Variants in VCP observed in about 807,000 individuals in gnomAD.
VCP encodes transitional endoplasmic reticulum ATPase.
VCP carries 6 observed loss-of-function variants against 85.7 expected under a neutral mutation model. The observed-to-expected ratio is 0.07, with a 90% confidence interval of 0.04 to 0.14. The LOEUF (loss-of-function observed/expected upper bound fraction) is 0.14. Ranked by LOEUF, VCP falls within the 10% of genes least tolerant of loss-of-function variation. The pLI is 1.00. For missense variants in VCP, 353 were observed against 1,043.4 expected, an observed-to-expected ratio of 0.34 and a Z score of 9.12; for synonymous variants, 384 against 367.1, an observed-to-expected ratio of 1.05 and a Z score of -0.53.
rs1479994868 is a variant in VCP, at chr9:35,061,258, CCCTGACT to C, written c.1195-86_1195-80del. On this transcript the variant is annotated intron_variant, in intron 10 of 16. Coordinates refer to ENST00000358901, the MANE Select transcript of VCP (RefSeq NM_007126.5). The stretch of plus-strand genomic sequence containing the variant: ...AGGCTCAGAGACAATAGAATCCTTC[CCCTGACT>C]GCTATCCCTGGGTCCTCTCATTTCC... 25 of 1,583,376 alleles carry C rather than the reference CCCTGACT, an allele frequency of 1.6e-5. No homozygotes were observed. The African/African-American group carries it at 3.2e-4, about 20-fold the overall frequency.
Position 35,072,456 on chromosome 9 carries a change from G to T in VCP, c.-103C>A. The T allele has an allele frequency of 7.4e-7, 1 of 1,346,786 alleles. No homozygotes were observed. The highest frequency in any genetic ancestry group is 9.6e-7 in the Non-Finnish European group (1 of 1,044,318). The allele number at this position is 1,346,786 out of a possible 1,614,324, so 83.4% of individuals were successfully genotyped here. On this transcript the variant is annotated 5_prime_UTR_variant, in exon 1 of 17. Coordinates refer to ENST00000358901, the MANE Select transcript of VCP (RefSeq NM_007126.5). ...CCGGGGCTCGGCTCTTCCAGGCGGT[G>T]GGCGAGCAGCGGCGACAAACCCGCA...
intron 1 of VCP, 152 bp downstream of exon 1, chr9:35,072,185 C>G (rs1312401835): frequency 4.2e-6 from 6 of 1,425,922 alleles, no homozygotes; most frequent in Non-Finnish European, 5.5e-6. Flanking sequence ...CCTGCCGGGT[C>G]CACGGCCCCT....
intron 16 of VCP, 25 bp from the exon 17 acceptor site, chr9:35,057,247 A>T (rs1828627272): frequency 6.2e-7 from 1 of 1,614,022 alleles, no homozygotes; most frequent in African/African-American, 1.3e-5. Flanking sequence ...AAAGCCAAAA[A>T]AGAGGGTTAG....
chr9:35,066,899 A>G, intron 3 of VCP, 82 bp from the exon 4 acceptor site: 1 of 1,605,572 alleles, frequency 6.2e-7, no homozygotes, highest in East Asian at 2.2e-5. Flanking sequence ...TGGCACAGAT[A>G]GCTGATAGTA....
chr9:35,069,001 T>C (rs1164329763), intron 1 of VCP, among the ~76,000 whole-genome samples: 1 of 152,154 alleles, frequency 6.6e-6, no homozygotes. Flanking sequence ...ACAACCTCCC[T>C]TGAGGCTCAG....
rs754802166 is a variant in VCP at position 35,067,963 on chromosome 9, C to T, written c.230G>A (p.Cys77Tyr). The T allele has an allele frequency of 4.3e-6, 7 of 1,614,122 alleles. No homozygotes were observed. The Admixed American group carries it at 8.3e-5, about 19-fold the overall frequency. ...AVCIVLSDDTCSDEKIRMNRV... is the reference protein window; with the variant it reads ...AVCIVLSDDTYSDEKIRMNRV... ...ATTCATCCGAATCTTCTCATCAGAACAAGTATCATCAGAAAGGACGATGCA... is the reference window on the plus strand; with the variant it reads ...ATTCATCCGAATCTTCTCATCAGAATAAGTATCATCAGAAAGGACGATGCA... The change falls in exon 3 of 17, where the codon TGT (cysteine) becomes TAT (tyrosine). Residue 77 changes from cysteine (C) to tyrosine (Y), a missense_variant. Coordinates refer to ENST00000358901, the MANE Select transcript of VCP (RefSeq NM_007126.5).
intron 4 of VCP, among the ~76,000 whole-genome samples, chr9:35,066,428 T>C (rs752050289): frequency 5.5e-4 from 83 of 151,452 alleles, no homozygotes; most frequent in Non-Finnish European, 9.7e-4. Flanking sequence ...GGTTTCGCCA[T>C]GTTGGCCAGG....
chr9:35,065,895 C>A (rs1828819338), intron 4 of VCP, among the ~76,000 whole-genome samples: 1 of 152,106 alleles, frequency 6.6e-6, no homozygotes, highest in African/African-American at 2.4e-5. Context: ...AGCGGCCGGG[C>A]ACAGTGGCTC....
chr9:35,072,175 C>T (rs1217189968), intron 1 of VCP, 162 bp downstream of exon 1: 3 of 1,418,240 alleles, frequency 2.1e-6, no homozygotes, highest in Non-Finnish European at 2.8e-6. Context: ...CCCAGCCGGG[C>T]CTGCCGGGTC....
chr9:35,072,111 C>T (rs1828964744), intron 1 of VCP: 1 of 1,352,068 alleles, frequency 7.4e-7, no homozygotes, highest in Admixed American at 4.0e-5. Context: ...GCCCAGGCTC[C>T]GACCCGGACC....
At position 35,060,360 on chromosome 9, in the gene VCP, T is replaced by G. The variant is rs753528183; in HGVS notation, c.1648A>C (p.Met550Leu). 4.3e-6 allele frequency: 7 copies of G among 1,614,236 alleles called. No homozygotes were observed. The highest frequency in any genetic ancestry group is 5.9e-6 in the Non-Finnish European group (7 of 1,180,042). The part of the protein sequence containing the change: ...ISIKGPELLT[M>L]WFGESEANVR... ...TTGGCCTCAGACTCCCCAAACCACA[T>G]GGTGAGCAGCTCAGGACCCTTGATG... is the stretch of plus-strand genomic sequence containing the variant. Residue 550 changes from methionine (M) to leucine (L), a missense_variant, in exon 13 of 17, where the codon ATG (methionine) becomes CTG (leucine). Physicochemically the swap from Met to Leu is conservative, Grantham distance 15. Transcript: ENST00000358901.
rs746768696 is a variant in VCP, at chr9:35,071,618, T to C, written c.17+719A>G. 3 of 746,900 alleles carry C rather than the reference T, an allele frequency of 4.0e-6. No individual in the cohort carries two copies. In the South Asian group the frequency reaches 1.8e-4, roughly 45 times the overall value. 46.3% of individuals were successfully genotyped at this position (746,900 alleles called of 1,614,324 possible). A position where few individuals can be genotyped will look rare whatever the true frequency, so the allele number is the denominator to read the frequency against. On this transcript the variant is annotated intron_variant, in intron 1 of 16. Transcript: ENST00000358901. Reference sequence around the variant, plus strand: ...AAATTCCTTTCTCCCCACCCACGAGTCATAACATTAAGGAAAACTGGCTCA... The same window carrying C: ...AAATTCCTTTCTCCCCACCCACGAGCCATAACATTAAGGAAAACTGGCTCA...
chr9:35,067,321 T>G (rs1828853317), intron 3 of VCP, among the ~76,000 whole-genome samples: 1 of 152,050 alleles, frequency 6.6e-6, no homozygotes, highest in Admixed American at 6.5e-5. Context: ...TGGGTAGGAG[T>G]GGCTAGAGAT....
chr9:35,072,415 C>A lies in VCP; in HGVS notation c.-62G>T. The A allele has an allele frequency of 2.8e-6, 4 of 1,450,412 alleles. No individual in the cohort carries two copies. The highest frequency in any genetic ancestry group is 2.7e-5 in the South Asian group (2 of 74,022). The allele number at this position is 1,450,412 out of a possible 1,614,324, so 89.8% of individuals were successfully genotyped here. ...CGCGGGTAACGGCTACGAGCGGTGG[C>A]AAGCGACCGACTGGGCCGGGGCTCG... On this transcript the variant is annotated 5_prime_UTR_variant, in exon 1 of 17. Transcript: ENST00000358901.
intron 5 of VCP, 91 bp downstream of exon 5, chr9:35,065,160 A>G: frequency 2.5e-6 from 4 of 1,595,222 alleles, no homozygotes; most frequent in Non-Finnish European, 3.4e-6. Flanking sequence ...CAGCCACCGC[A>G]GCCGGCCGAG....
intron 4 of VCP, among the ~76,000 whole-genome samples, chr9:35,065,762 T>A (rs923049154): frequency 6.6e-6 from 1 of 151,972 alleles, no homozygotes; most frequent in East Asian, 1.9e-4. Flanking sequence ...TAGCTTACTC[T>A]CCTGGAACAG....
chr9:35,057,787 G>T (rs1828640666), intron 15 of VCP: 2 of 547,484 alleles, frequency 3.7e-6, no homozygotes, highest in South Asian at 4.0e-5. Context: ...GACTGAAGTG[G>T]CTAAGGAAAC....
intron 13 of VCP, 124 bp downstream of exon 13, chr9:35,060,189 T>C: frequency 9.7e-7 from 1 of 1,033,050 alleles, no homozygotes; most frequent in South Asian, 1.4e-5. Flanking sequence ...AGAAAGAAAA[T>C]CAAGTGACTT....
chr9:35,071,893 G>C (rs900356823), intron 1 of VCP: 1 of 999,250 alleles, frequency 1.0e-6, no homozygotes, highest in Non-Finnish European at 1.2e-6. Flanking sequence ...ACGCCCACCG[G>C]GCCCGGCTGG....
Sources: allele counts gnomAD v4.1 joint callset (sites outside exome capture counted in the v4.1 genomes callset), GRCh38; gene constraint gnomAD v4.1.1; transcripts MANE v1.5; gene names NCBI Gene and HGNC (gene_info 2026-07-23, HGNC 2026-07-21).